COL14A1: variants seen among roughly 807,000 people sequenced by gnomAD.
COL14A1 encodes the protein collagen alpha-1(XIV) chain.
In COL14A1, 136 loss-of-function variants were observed where a neutral mutation model predicts 230.3. That is an observed-to-expected ratio of 0.59 (90% CI 0.51 to 0.68). The LOEUF is 0.68. Among genes scored for constraint, COL14A1 ranks in the 30% least tolerant of loss-of-function variants. COL14A1 has a pLI of 0.00. For synonymous variants in COL14A1, 792 were observed against 784.1 expected (o/e 1.01, Z -0.17); for missense variants, 1,976 against 2,215.8 (o/e 0.89, Z 2.17).
intron 6 of COL14A1, 131 bp from the exon 7 acceptor site, chr8:120,197,680 A>G (rs1290145939): frequency 1.2e-6 from 1 of 856,002 alleles, no homozygotes; most frequent in African/African-American, 1.7e-5. Flanking sequence ...TCTTTTTGAA[A>G]ATTTATAGCC....
chr8:120,235,583 A>AT (rs199715127), intron 19 of COL14A1, among the ~76,000 whole-genome samples: 1,753 of 152,052 alleles, frequency 0.012, 33 homozygotes, highest in African/African-American at 0.04. Context: ...GGATTCACTG[A>AT]TTTTTTGAAG....
At chr8:120,316,329 G>A (rs1821232450) in intron 40 of COL14A1, among the ~76,000 whole-genome samples, 1 of 151,928 alleles carries the variant, frequency 6.6e-6, no homozygotes, top group Admixed American at 6.6e-5. Flanking sequence ...AAATGTAAAG[G>A]AAATAAAGAA....
rs192639177 is a variant in COL14A1 at position 120,361,692 on chromosome 8, G to A, written c.5078-5479G>A. ...CAATTACAATGGAAGCTTTCCCCAG[G>A]CCTTGCATAGCTTCGTGGGCATAAA... On this transcript the variant is annotated intron_variant, in intron 45 of 47. Coordinates refer to ENST00000297848, the MANE Select transcript of COL14A1 (RefSeq NM_021110.4). Among the ~76,000 whole-genome samples, 12 of 152,246 alleles carry A rather than the reference G, an allele frequency of 7.9e-5. No individual in the cohort carries two copies. In the East Asian group the frequency reaches 1.9e-3, roughly 25 times the overall value.
In COL14A1 at chr8:120,132,198, A is replaced by C. The variant is rs117206521; in HGVS notation, c.-38+6858A>C. Among the ~76,000 whole-genome samples, 843 of 152,194 alleles carry C rather than the reference A, an allele frequency of 5.5e-3. 5 individuals carry two copies. Among genetic ancestry groups the C allele is most frequent in the Non-Finnish European group, 9.1e-3 (622 of 68,006 alleles). ...ATTTTTTTATAATGTTAGATCTTACATTTAAGCCTTTAATCTATTTTGAGT... is the reference window on the plus strand; with the variant it reads ...ATTTTTTTATAATGTTAGATCTTACCTTTAAGCCTTTAATCTATTTTGAGT... On this transcript the variant is annotated intron_variant, in intron 1 of 47. Transcript: ENST00000297848.
chr8:120,275,715 C>T (rs28860484), intron 26 of COL14A1, among the ~76,000 whole-genome samples: 7,484 of 151,964 alleles, frequency 0.049, 260 homozygotes, highest in Non-Finnish European at 0.081. Context: ...AAATGGCCCA[C>T]AAACATATGG....
At chr8:120,209,454 A>G (rs1286491379) in intron 11 of COL14A1, among the ~76,000 whole-genome samples, 1 of 152,194 alleles carries the variant, frequency 6.6e-6, no homozygotes, top group Non-Finnish European at 1.5e-5. Context: ...AGTGCAATGA[A>G]GGGCTGTAAG....
intron 40 of COL14A1, among the ~76,000 whole-genome samples, chr8:120,322,772 C>T (rs1821502102): frequency 6.6e-6 from 1 of 151,828 alleles, no homozygotes; most frequent in Non-Finnish European, 1.5e-5. Flanking sequence ...TGTATATGTA[C>T]TACATTTTCT....
At position 120,278,177 on chromosome 8, in the gene COL14A1, G is replaced by T. The variant is rs1365763802; in HGVS notation, c.3280G>T (p.Glu1094Ter). The T allele has an allele frequency of 6.2e-7, 1 of 1,612,170 alleles. No individual in the cohort carries two copies. Among genetic ancestry groups the T allele is most frequent in the East Asian group, 2.2e-5 (1 of 44,820 alleles). Residue 1094 changes from glutamate to a stop codon, truncating the protein, a stop_gained, in exon 27 of 48, where the codon GAG becomes TAG. Transcript: ENST00000297848. LOFTEE classifies it high-confidence loss of function. ...TAAACTAAATGCTTACAAAACCAAA[G>T]AGACTCTTCTTGATGCAATTAAACA... ...EFKLNAYKTK[E>*]TLLDAIKHIS...
chr8:120,277,611 C>T (rs1819894592), intron 26 of COL14A1: 1 of 152,086 alleles, frequency 6.6e-6, no homozygotes, highest in South Asian at 2.1e-4. Context: ...TTTGCAGCAA[C>T]ACGGGTGCCT....
chr8:120,231,701 C>T (rs1356256874), intron 19 of COL14A1, 83 bp downstream of exon 19: 28 of 1,361,326 alleles, frequency 2.1e-5, no homozygotes, highest in Non-Finnish European at 2.7e-5. Flanking sequence ...TCAATGCAAA[C>T]TTTACTGCTC....
intron 2 of COL14A1, among the ~76,000 whole-genome samples, chr8:120,148,228 G>A (rs889977381): frequency 6.6e-5 from 10 of 150,964 alleles, no homozygotes; most frequent in Non-Finnish European, 1.0e-4. Flanking sequence ...TACCTCTCAG[G>A]TTCAAGCAAT....
chr8:120,345,372 C>A lies in COL14A1; in HGVS notation c.4889-3C>A. 6.3e-7 allele frequency: 1 copy of A among 1,575,392 alleles called. No homozygotes were observed. Among genetic ancestry groups the A allele is most frequent in the South Asian group, 1.2e-5 (1 of 83,724 alleles). ...AATGCTGTCTTTATGCTTCATACCT[C>A]AGGTCACATGGCCAGGTACACTGCC... On this transcript the variant is annotated splice_polypyrimidine_tract_variant and splice_region_variant and intron_variant, in intron 44 of 47. Transcript: ENST00000297848.
At chr8:120,247,818 C>A in intron 21 of COL14A1, 83 bp downstream of exon 21, 1 of 1,475,558 alleles carries the variant, frequency 6.8e-7, no homozygotes, top group Non-Finnish European at 9.2e-7. Flanking sequence ...TCTTATAACA[C>A]CTTATGTTTG....
In COL14A1 at chr8:120,294,008, A is replaced by G. The variant is rs141055104; in HGVS notation, c.4237-3503A>G. ...CAATCTTAGTTTTGTGATGGCGTCA[A>G]TAAAGGTTAGACATCAAATTACAAA... On this transcript the variant is annotated intron_variant, in intron 34 of 47. Coordinates refer to ENST00000297848, the MANE Select transcript of COL14A1 (RefSeq NM_021110.4). 5.8e-3 allele frequency among the ~76,000 whole-genome samples: 884 copies of G among 152,028 alleles called. 5 individuals are homozygous for G. The highest frequency in any genetic ancestry group is 0.02 in the African/African-American group (837 of 41,560).
intron 2 of COL14A1, among the ~76,000 whole-genome samples, chr8:120,152,292 T>C (rs1162261613): frequency 1.3e-5 from 2 of 151,508 alleles, no homozygotes; most frequent in Non-Finnish European, 2.9e-5. Context: ...AAACCGCGTC[T>C]CTACTAAAAA....
chr8:120,210,863 C>T (rs1404628070), intron 12 of COL14A1, among the ~76,000 whole-genome samples: 1 of 151,668 alleles, frequency 6.6e-6, no homozygotes, highest in Admixed American at 6.6e-5. Context: ...ATTTCCAAGG[C>T]TTAGATGGCT....
chr8:120,209,181 G>A (rs183720337), intron 11 of COL14A1, among the ~76,000 whole-genome samples: 84 of 151,978 alleles, frequency 5.5e-4, no homozygotes, highest in African/African-American at 1.8e-3. Context: ...GTGAGCCTGG[G>A]CAACATGGCA....
At chr8:120,143,483 T>C (rs1814984800) in intron 1 of COL14A1, among the ~76,000 whole-genome samples, 1 of 151,860 alleles carries the variant, frequency 6.6e-6, no homozygotes, top group Non-Finnish European at 1.5e-5. Context: ...AACAAAAAAA[T>C]TGGCCGGGCG....
chr8:120,246,202 T>G (rs1200234758), intron 20 of COL14A1, among the ~76,000 whole-genome samples: 1 of 152,090 alleles, frequency 6.6e-6, no homozygotes, highest in Non-Finnish European at 1.5e-5. Flanking sequence ...CATTTAACAG[T>G]GCTGGCATCT....
Sources: gnomAD v4.1 joint callset for allele counts (sites outside exome capture counted in the v4.1 genomes callset) on GRCh38, gnomAD v4.1.1 for gene constraint, MANE v1.5 for transcripts, NCBI Gene and HGNC (gene_info 2026-07-23, HGNC 2026-07-21) for gene names.